The following CDH3 variants were observed in gnomAD, a reference collection of about 807,000 sequenced individuals.
CDH3 encodes the protein cadherin-3.
In CDH3, 54 loss-of-function variants were observed where a neutral mutation model predicts 82.0. That is an observed-to-expected ratio of 0.66 (90% CI 0.53 to 0.83). The LOEUF (loss-of-function observed/expected upper bound fraction) is 0.83. Ranked by LOEUF, CDH3 falls within the 40% of genes least tolerant of loss-of-function variation. The pLI is 0.00. For synonymous variants in CDH3, 446 were observed against 437.9 expected, an observed-to-expected ratio of 1.02 and a Z score of -0.23; for missense variants, 1,054 against 1,084.6, an observed-to-expected ratio of 0.97 and a Z score of 0.40.
intron 1 of CDH3, among the ~76,000 whole-genome samples, chr16:68,716,301 C>T (rs1470185906): frequency 6.6e-6 from 1 of 151,252 alleles, no homozygotes; most frequent in Non-Finnish European, 1.5e-5. Flanking sequence ...GCATTCAAAT[C>T]GTGGAAAATC....
chr16:68,713,758 C>T (rs1017084535), intron 1 of CDH3, among the ~76,000 whole-genome samples: 2 of 152,098 alleles, frequency 1.3e-5, no homozygotes, highest in African/African-American at 4.8e-5. Context: ...TGCCCACTGT[C>T]CCGCTCCCCA....
chr16:68,731,389 AAAAAAAAT>A (rs1401525130), downstream of CDH3, among the ~76,000 whole-genome samples: 4 of 8,284 alleles, frequency 4.8e-4, no homozygotes, highest in Admixed American at 1.8e-3. Context: ...AAAAAAAAAA[AAAAAAAAT>A]ATATATATAT....
downstream of CDH3, among the ~76,000 whole-genome samples, chr16:68,702,102 T>A (rs1355347196): frequency 1.3e-5 from 2 of 151,852 alleles, no homozygotes; most frequent in African/African-American, 4.8e-5. Flanking sequence ...TTGGCCAGGC[T>A]GGTCTCGAAC....
intron 1 of CDH3, among the ~76,000 whole-genome samples, chr16:68,706,376 G>A (rs1315708797): frequency 1.3e-5 from 2 of 151,862 alleles, no homozygotes; most frequent in African/African-American, 4.8e-5. Context: ...GGCTCCTTGT[G>A]TGGCACCCCA....
chr16:68,650,293 G>GA (rs1208592387), intron 2 of CDH3, among the ~76,000 whole-genome samples: 11 of 152,042 alleles, frequency 7.2e-5, no homozygotes, highest in Non-Finnish European at 1.6e-4. Context: ...ATTCCTTGGG[G>GA]AAAAAATATA....
At position 68,684,689 on chromosome 16, in the gene CDH3, A is replaced by C. The variant is rs1293892339; in HGVS notation, c.1289A>C (p.His430Pro). The C allele has an allele frequency of 6.2e-7, 1 of 1,614,216 alleles. No homozygotes were observed. Among genetic ancestry groups the C allele is most frequent in the East Asian group, 2.2e-5 (1 of 44,878 alleles). Reference sequence around the variant, plus strand: ...ACCTCCACAGCCACCATAGTGGTCCACGTGGAGGATGTGAATGAGGCACCT... The same window carrying C: ...ACCTCCACAGCCACCATAGTGGTCCCCGTGGAGGATGTGAATGAGGCACCT... ...LPTSTATIVV[H>P]VEDVNEAPVF... Residue 430 changes from histidine to proline, a missense_variant, in exon 10 of 16, where the codon CAC (histidine) becomes CCC (proline). Transcript: ENST00000264012.
At chr16:68,662,141 G>A (rs1374865262) in intron 2 of CDH3, among the ~76,000 whole-genome samples, 1 of 152,216 alleles carries the variant, frequency 6.6e-6, no homozygotes, top group Admixed American at 6.5e-5. Context: ...ATTGGGATCT[G>A]AAAGATGTCA....
intron 2 of CDH3, 86 bp downstream of exon 2, chr16:68,645,836 C>CA: frequency 1.0e-6 from 1 of 1,004,770 alleles, no homozygotes; most frequent in South Asian, 1.5e-5. Flanking sequence ...CGGGCCGGGG[C>CA]AAGGGACTCC....
chr16:68,669,021 G>A (rs957684640), intron 2 of CDH3, among the ~76,000 whole-genome samples: 1 of 152,160 alleles, frequency 6.6e-6, no homozygotes, highest in African/African-American at 2.4e-5. Context: ...GCCCAATCAT[G>A]TGATAGATAA....
chr16:68,728,460 C>A (rs542456961), downstream of CDH3, among the ~76,000 whole-genome samples: 1 of 152,230 alleles, frequency 6.6e-6, no homozygotes, highest in Non-Finnish European at 1.5e-5. Context: ...GCCACCGCGC[C>A]TGGCCTTGTA....
At chr16:68,704,281 C>T (rs1256944355), downstream of CDH3, among the ~76,000 whole-genome samples, 7 of 148,534 alleles carry the variant, frequency 4.7e-5, no homozygotes, top group Non-Finnish European at 8.9e-5. Flanking sequence ...AGCGAGACTT[C>T]GTCTCAAAAA....
At chr16:68,648,870 CT>C (rs576685337) in intron 2 of CDH3, among the ~76,000 whole-genome samples, 394 of 137,888 alleles carry the variant, frequency 2.9e-3, no homozygotes, top group Non-Finnish European at 3.1e-3. Context: ...AGTGCTTAGT[CT>C]TTTTTTTTTT....
At chr16:68,663,455 C>T (rs1371045248) in intron 2 of CDH3, among the ~76,000 whole-genome samples, 3 of 148,872 alleles carry the variant, frequency 2.0e-5, no homozygotes, top group Non-Finnish European at 3.0e-5. Flanking sequence ...AGGATGGTCT[C>T]GATCTCCTGA....
intron 1 of CDH3, among the ~76,000 whole-genome samples, chr16:68,720,827 C>T (rs4485355): frequency 0.25 from 38,402 of 151,860 alleles, 5,051 homozygotes; most frequent in Admixed American, 0.29. Context: ...ACCATGTTAG[C>T]CAGGCTGGTC....
At position 68,712,512 on chromosome 16, in the gene CDH3, CT is replaced by C. The variant is rs140980548; in HGVS notation, c.100-9912del. Among the ~76,000 whole-genome samples, 1,222 of 152,284 alleles carry C rather than the reference CT, an allele frequency of 8.0e-3. 19 individuals are homozygous for C. Among genetic ancestry groups the C allele is most frequent in the African/African-American group, 0.028 (1,165 of 41,576 alleles). ...AGCGGGTAGTCTATGGGTACATTTT[CT>C]CTTATCTGGCTCCAATCAGGTGGCC... On this transcript the variant is annotated intron_variant, in intron 1 of 2. Coordinates refer to the CDH3 transcript ENST00000569080.
At chr16:68,710,859 GAGAA>G (rs1962017536) in intron 1 of CDH3, among the ~76,000 whole-genome samples, 2 of 147,604 alleles carry the variant, frequency 1.4e-5, no homozygotes, top group Non-Finnish European at 3.0e-5. Flanking sequence ...GAAAAAAGGA[GAGAA>G]AGAGAAAAAG....
intron 2 of CDH3, among the ~76,000 whole-genome samples, chr16:68,647,513 G>A (rs1296847133): frequency 2.6e-5 from 4 of 152,050 alleles, no homozygotes; most frequent in Admixed American, 1.3e-4. Flanking sequence ...TCTGCTTTAC[G>A]GTTGTGAAAA....
intron 2 of CDH3, among the ~76,000 whole-genome samples, chr16:68,648,661 G>A (rs537121494): frequency 6.6e-6 from 1 of 152,054 alleles, no homozygotes; most frequent in Admixed American, 6.6e-5. Context: ...ATGTTGCCCA[G>A]ACTGGTCACA....
chr16:68,705,948 C>G (rs12922368), intron 1 of CDH3, among the ~76,000 whole-genome samples: 35,127 of 150,620 alleles, frequency 0.23, 4,374 homozygotes, highest in East Asian at 0.28. Flanking sequence ...GCCTGTAGTC[C>G]CAGCTACTCG....
Sources: gnomAD v4.1 joint callset for allele counts (sites outside exome capture counted in the v4.1 genomes callset) on GRCh38, gnomAD v4.1.1 for gene constraint, MANE v1.5 for transcripts, NCBI Gene and HGNC (gene_info 2026-07-23, HGNC 2026-07-21) for gene names.